UBASH3B: variants seen among roughly 807,000 people sequenced by gnomAD.
UBASH3B encodes ubiquitin associated and SH3 domain containing B.
In UBASH3B, 37 loss-of-function variants were observed where a neutral mutation model predicts 83.4. The ratio of observed to expected loss-of-function variants is 0.44; its 90% confidence interval spans 0.34 to 0.58. UBASH3B has a LOEUF of 0.58. Among genes scored for constraint, UBASH3B ranks in the 20% least tolerant of loss-of-function variants. The pLI is 0.01. For missense variants in UBASH3B, 657 were observed against 827.2 expected (o/e 0.79, Z 2.52); for synonymous variants, 304 against 318.3 (o/e 0.96, Z 0.48).
intron 1 of UBASH3B, among the ~76,000 whole-genome samples, chr11:122,685,546 T>A (rs1863798517): frequency 6.6e-6 from 1 of 152,170 alleles, no homozygotes; most frequent in South Asian, 2.1e-4. Flanking sequence ...TTTTTTTGTG[T>A]CGCTCTGTCA....
chr11:122,698,629 G>A (rs1172046223), intron 1 of UBASH3B, among the ~76,000 whole-genome samples: 1 of 152,058 alleles, frequency 6.6e-6, no homozygotes, highest in African/African-American at 2.4e-5. Flanking sequence ...GAGCATCCTG[G>A]GTGCCGTGTG....
intron 5 of UBASH3B, among the ~76,000 whole-genome samples, chr11:122,785,381 A>C (rs185018009): frequency 6.6e-6 from 1 of 152,136 alleles, no homozygotes; most frequent in Non-Finnish European, 1.5e-5. Flanking sequence ...CCCAGGAGGC[A>C]GTTTTGATTG....
Position 122,803,575 on chromosome 11 carries a change from G to A in UBASH3B, c.1595+2243G>A, listed in dbSNP as rs572532873. ...GGTTGAAAACAACCCCAGCCTTGAG[G>A]AGCTGGGCCAGAGGAGCAAGGCAGA... On this transcript the variant is annotated intron_variant, in intron 11 of 13. Coordinates refer to ENST00000284273, the MANE Select transcript of UBASH3B (RefSeq NM_032873.5). Among the ~76,000 whole-genome samples, 12 of 152,222 alleles carry A rather than the reference G, an allele frequency of 7.9e-5. No homozygotes were observed. The South Asian group carries it at 2.5e-3, about 32-fold the overall frequency.
chr11:122,732,187 A>G (rs1373857015), intron 1 of UBASH3B, among the ~76,000 whole-genome samples: 2 of 152,126 alleles, frequency 1.3e-5, no homozygotes, highest in African/African-American at 4.8e-5. Context: ...ATATGCATAC[A>G]TGTGAGGACC....
Position 122,796,997 on chromosome 11 carries a change from A to T in UBASH3B, c.1321A>T (p.Ile441Phe). ...GFRDYEKDAPITVFGCMQARL... is the reference protein window; with the variant it reads ...GFRDYEKDAPFTVFGCMQARL... ...CCGAGATTACGAGAAAGATGCTCCC[A>T]TCACTGTGTTTGGATGCATGCAAGC... Residue 441 changes from isoleucine (I) to phenylalanine (F), a missense_variant, in exon 9 of 14, where the codon ATC becomes TTC. Around this residue, in one of 3 missense-constraint regions of UBASH3B, gnomAD observed 573 missense variants for 739.0 expected, o/e 0.78. Coordinates refer to ENST00000284273, the MANE Select transcript of UBASH3B (RefSeq NM_032873.5). 1 of 1,613,800 alleles carries T rather than the reference A, an allele frequency of 6.2e-7. No homozygotes were observed. The highest frequency in any genetic ancestry group is 8.5e-7 in the Non-Finnish European group (1 of 1,179,790).
intron 1 of UBASH3B, among the ~76,000 whole-genome samples, chr11:122,687,716 A>T (rs1369840888): frequency 1.3e-5 from 2 of 152,076 alleles, no homozygotes; most frequent in African/African-American, 4.8e-5. Flanking sequence ...ATTTTAATCC[A>T]TGTGTGCTTG....
At chr11:122,740,234 C>T (rs1861002696) in intron 1 of UBASH3B, among the ~76,000 whole-genome samples, 1 of 152,178 alleles carries the variant, frequency 6.6e-6, no homozygotes, top group Non-Finnish European at 1.5e-5. Context: ...TTTGGAGCTA[C>T]TAACTGGCTA....
chr11:122,742,004 C>CTGA (rs1160258717), intron 1 of UBASH3B, among the ~76,000 whole-genome samples: 11 of 152,220 alleles, frequency 7.2e-5, no homozygotes, highest in African/African-American at 2.7e-4. Flanking sequence ...CCTCTCTGGT[C>CTGA]TGATGGTGGA....
chr11:122,773,631 G>A (rs1363674783), intron 1 of UBASH3B, among the ~76,000 whole-genome samples: 3 of 152,026 alleles, frequency 2.0e-5, no homozygotes, highest in African/African-American at 7.2e-5. Context: ...ACCAAACCAG[G>A]GACCTCTCAG....
chr11:122,779,697 T>C lies in UBASH3B; in HGVS notation c.601+2T>C. On this transcript the variant is annotated splice_donor_variant, in intron 4 of 13. Transcript: ENST00000284273. LOFTEE classifies it high-confidence loss of function. ...CTGCAGAGGCTGCATCCAAAACCGG[T>C]GAGCAAACAGCTGCCAGGCCAGCCC... is the stretch of plus-strand genomic sequence containing the variant. The C allele has an allele frequency of 6.2e-7, 1 of 1,613,984 alleles. No homozygotes were observed. Among genetic ancestry groups the C allele is most frequent in the Non-Finnish European group, 8.5e-7 (1 of 1,179,986 alleles).
chr11:122,693,170 G>A (rs919554225), intron 1 of UBASH3B, among the ~76,000 whole-genome samples: 1 of 152,202 alleles, frequency 6.6e-6, no homozygotes, highest in Non-Finnish European at 1.5e-5. Context: ...TCTTAAGGGT[G>A]GGGGCGATTA....
At chr11:122,763,367 A>C (rs1289448017) in intron 1 of UBASH3B, among the ~76,000 whole-genome samples, 1 of 152,174 alleles carries the variant, frequency 6.6e-6, no homozygotes, top group Non-Finnish European at 1.5e-5. Flanking sequence ...ACATAAAAAC[A>C]TCGGGAAACC....
chr11:122,804,246 G>T (rs1271017896), intron 11 of UBASH3B, among the ~76,000 whole-genome samples: 1 of 152,092 alleles, frequency 6.6e-6, no homozygotes, highest in Non-Finnish European at 1.5e-5. Flanking sequence ...AGAGGAGAAA[G>T]CTTGCTCCAG....
rs2135161613 is a variant in UBASH3B, at chr11:122,789,243, C to T, written c.915C>T (p.Cys305=). 8.7e-6 allele frequency: 14 copies of T among 1,614,224 alleles called. No homozygotes were observed. Among genetic ancestry groups the T allele is most frequent in the Non-Finnish European group, 1.2e-5 (14 of 1,180,042 alleles). ...WIYGTSLTTG[C]SGLLPENYIT... ...ATGGCACGTCCTTAACCACCGGCTG[C>T]TCTGGACTCCTGCCTGAGAATTACA... The change falls in exon 6 of 14, where the codon TGC becomes TGT. Residue 305 remains cysteine (C), a synonymous_variant. Transcript: ENST00000284273.
Position 122,799,010 on chromosome 11 carries a change from C to T in UBASH3B, c.1426C>T (p.Gln476Ter). Residue 476 changes from glutamine to a stop codon, truncating the protein, a stop_gained, in exon 10 of 14, where the codon CAG (glutamine) becomes TAG (stop). Transcript: ENST00000284273. LOFTEE classifies it high-confidence loss of function. ...TTGCTCCCCGTCCCTTCGCTGCGTT[C>T]AGACTGCACACAATATCTTGAAAGG... is the stretch of plus-strand genomic sequence containing the variant. ...VYCSPSLRCV[Q>*]TAHNILKGLQ... is the part of the protein sequence containing the mutation. 1 of 1,614,056 alleles carries T rather than the reference C, an allele frequency of 6.2e-7. No individual in the cohort carries two copies. Among genetic ancestry groups the T allele is most frequent in the Non-Finnish European group, 8.5e-7 (1 of 1,179,980 alleles).
At chr11:122,664,498 C>A (rs117102907) in intron 1 of UBASH3B, among the ~76,000 whole-genome samples, 1,987 of 152,322 alleles carry the variant, frequency 0.013, 17 homozygotes, top group Middle Eastern at 0.024. Context: ...CCAGGGGCCA[C>A]TTTCTATTTG....
At chr11:122,714,911 T>C (rs1860484081) in intron 1 of UBASH3B, among the ~76,000 whole-genome samples, 1 of 152,174 alleles carries the variant, frequency 6.6e-6, no homozygotes, top group Non-Finnish European at 1.5e-5. Context: ...GTCATAGAGT[T>C]GTTCTGAAGA....
intron 1 of UBASH3B, among the ~76,000 whole-genome samples, chr11:122,676,636 G>C (rs915456379): frequency 6.6e-6 from 1 of 152,210 alleles, no homozygotes; most frequent in African/African-American, 2.4e-5. Flanking sequence ...CTTGAGCCCA[G>C]GAGATGGAGG....
chr11:122,681,563 C>T (rs926431707), intron 1 of UBASH3B, among the ~76,000 whole-genome samples: 2 of 152,138 alleles, frequency 1.3e-5, no homozygotes, highest in Non-Finnish European at 2.9e-5. Context: ...AAGCCGAGTC[C>T]TGGGAAGTAG....
Sources: allele counts gnomAD v4.1 joint callset (sites outside exome capture counted in the v4.1 genomes callset), GRCh38; gene constraint gnomAD v4.1.1; regional missense constraint gnomAD v4.1.1; transcripts MANE v1.5; gene names NCBI Gene and HGNC (gene_info 2026-07-23, HGNC 2026-07-21).